The following LRRIQ1 variants were observed in gnomAD, a reference collection of about 807,000 sequenced individuals.
LRRIQ1 encodes the protein leucine-rich repeat- and IQ domain-containing protein 1.
Under a neutral mutation model 211.9 loss-of-function variants are expected in LRRIQ1, and 210 were observed. The observed-to-expected ratio is 0.99, with a 90% confidence interval of 0.89 to 1.11. The LOEUF is 1.11. Ranked by LOEUF, LRRIQ1 falls within the 50% of genes most tolerant of loss-of-function variation. The pLI is 0.00. For synonymous variants in LRRIQ1, 699 were observed against 650.1 expected (o/e 1.08, Z -1.14); for missense variants, 2,136 against 1,939.5 (o/e 1.10, Z -1.90).
intron 11 of LRRIQ1, among the ~76,000 whole-genome samples, chr12:85,086,447 A>G (rs1256830328): frequency 2.0e-5 from 3 of 152,028 alleles, no homozygotes; most frequent in Non-Finnish European, 4.4e-5. Flanking sequence ...TGCTTTTGCC[A>G]TGTGACATGC....
chr12:85,160,659 G>A lies in LRRIQ1; in HGVS notation c.4767G>A (p.Val1589=). The change falls in exon 24 of 27, where the codon GTG becomes GTA. Residue 1589 remains valine, a synonymous_variant. Transcript: ENST00000393217. ...TATTCAAAAACAATGAAAATAAAGT[G>A]TCTCTTCCAAAATCACCAAAGATGG... ...LALFKNNENK[V]SLPKSPKMVQ... 6.2e-7 allele frequency: 1 copy of A among 1,610,830 alleles called. No homozygotes were observed. The highest frequency in any genetic ancestry group is 8.5e-7 in the Non-Finnish European group (1 of 1,177,830).
intron 8 of LRRIQ1, among the ~76,000 whole-genome samples, chr12:85,059,314 A>G (rs1310252234): frequency 2.0e-5 from 3 of 152,090 alleles, no homozygotes; most frequent in East Asian, 3.9e-4. Flanking sequence ...ATACTTCTTT[A>G]CACATTGCCA....
At chr12:85,212,431 T>C (rs2137075329) in intron 24 of LRRIQ1, among the ~76,000 whole-genome samples, 2 of 152,166 alleles carry the variant, frequency 1.3e-5, no homozygotes, top group Admixed American at 6.5e-5. Flanking sequence ...AAATGGGCAG[T>C]CTTTTTGGCC....
intron 10 of LRRIQ1, among the ~76,000 whole-genome samples, chr12:85,069,249 G>A (rs975483155): frequency 6.6e-6 from 1 of 151,868 alleles, no homozygotes; most frequent in Non-Finnish European, 1.5e-5. Flanking sequence ...TTTCATCCAT[G>A]TCCCCACAAA....
intron 23 of LRRIQ1, among the ~76,000 whole-genome samples, chr12:85,156,282 GT>G (rs1890538967): frequency 6.6e-6 from 1 of 151,622 alleles, no homozygotes; most frequent in Non-Finnish European, 1.5e-5. Context: ...TTAGTGATAA[GT>G]TTTATACTCT....
intron 3 of LRRIQ1, among the ~76,000 whole-genome samples, chr12:85,043,931 G>GA (rs1009962570): frequency 6.6e-6 from 1 of 151,628 alleles, no homozygotes; most frequent in Non-Finnish European, 1.5e-5. Context: ...AATAATTTAT[G>GA]AAAAAAAGAG....
chr12:85,121,193 G>T (rs890393474), intron 15 of LRRIQ1, among the ~76,000 whole-genome samples: 7 of 152,150 alleles, frequency 4.6e-5, no homozygotes, highest in African/African-American at 1.7e-4. Context: ...AGATTCAGGA[G>T]AAAATATAAT....
intron 26 of LRRIQ1, among the ~76,000 whole-genome samples, chr12:85,235,269 G>A (rs1895125018): frequency 6.6e-6 from 1 of 152,074 alleles, no homozygotes; most frequent in Non-Finnish European, 1.5e-5. Context: ...TGACTAAATG[G>A]ATCCCCTCAA....
intron 14 of LRRIQ1, among the ~76,000 whole-genome samples, chr12:85,104,708 T>C (rs1351797365): frequency 1.3e-5 from 2 of 151,982 alleles, no homozygotes; most frequent in African/African-American, 4.8e-5. Context: ...GAACATACTT[T>C]GATTGTTTGT....
At chr12:85,232,008 T>C (rs2137196572) in intron 25 of LRRIQ1, among the ~76,000 whole-genome samples, 2 of 152,176 alleles carry the variant, frequency 1.3e-5, no homozygotes, top group African/African-American at 4.8e-5. Context: ...GTTCAGAAAA[T>C]TGAAAACATT....
At chr12:85,217,707 T>G (rs1314865848) in intron 24 of LRRIQ1, among the ~76,000 whole-genome samples, 2 of 110,210 alleles carry the variant, frequency 1.8e-5, no homozygotes, top group Non-Finnish European at 3.3e-5. Context: ...TGTATATATG[T>G]GTGTGTATAT....
intron 11 of LRRIQ1, among the ~76,000 whole-genome samples, chr12:85,083,684 T>A (rs1333575989): frequency 6.6e-6 from 1 of 152,254 alleles, no homozygotes; most frequent in East Asian, 1.9e-4. Context: ...GTGATCTGCC[T>A]GCCTTGGCCT....
At chr12:85,140,413 A>G (rs1426928389) in intron 19 of LRRIQ1, among the ~76,000 whole-genome samples, 1 of 151,260 alleles carries the variant, frequency 6.6e-6, no homozygotes, top group East Asian at 1.9e-4. Context: ...AAGTATATAT[A>G]GAAATACAAT....
chr12:85,224,114 A>C (rs1020911107), intron 24 of LRRIQ1, among the ~76,000 whole-genome samples: 2 of 150,192 alleles, frequency 1.3e-5, no homozygotes, highest in African/African-American at 5.0e-5. Flanking sequence ...TTTAAAATGG[A>C]TTAATTATTT....
At chr12:85,096,751 T>C (rs1043317559) in intron 11 of LRRIQ1, among the ~76,000 whole-genome samples, 11 of 152,306 alleles carry the variant, frequency 7.2e-5, no homozygotes, top group Admixed American at 4.6e-4. Context: ...TCTAATGCTA[T>C]CCATGGGAAG....
intron 24 of LRRIQ1, among the ~76,000 whole-genome samples, chr12:85,202,343 G>C (rs903782873): frequency 1.3e-4 from 19 of 151,934 alleles, no homozygotes; most frequent in Non-Finnish European, 1.5e-4. Context: ...AGATATCTTT[G>C]TTTTCTGCCT....
chr12:85,261,864 A>G (rs781249245), intron 1 of LRRIQ1, among the ~76,000 whole-genome samples: 63 of 151,804 alleles, frequency 4.2e-4, no homozygotes, highest in Non-Finnish European at 7.9e-4. Flanking sequence ...ATCTCGGCTC[A>G]CCGCAACCCT....
chr12:85,218,844 T>C (rs1340984471), intron 24 of LRRIQ1, among the ~76,000 whole-genome samples: 1 of 152,122 alleles, frequency 6.6e-6, no homozygotes, highest in East Asian at 1.9e-4. Flanking sequence ...TATTACTGAT[T>C]TTTCCTTTTG....
intron 11 of LRRIQ1, among the ~76,000 whole-genome samples, chr12:85,075,728 A>T (rs532359959): frequency 6.6e-6 from 1 of 152,044 alleles, no homozygotes; most frequent in East Asian, 1.9e-4. Flanking sequence ...ATCACTGAGT[A>T]TGGTGGCATG....
Sources: allele counts gnomAD v4.1 joint callset (sites outside exome capture counted in the v4.1 genomes callset), GRCh38; gene constraint gnomAD v4.1.1; transcripts MANE v1.5; gene names NCBI Gene and HGNC (gene_info 2026-07-23, HGNC 2026-07-21).